Variants in CRPPA observed in about 807,000 individuals in gnomAD.
CRPPA encodes the protein CDP-L-ribitol pyrophosphorylase A.
CRPPA carries 43 observed loss-of-function variants against 52.0 expected under a neutral mutation model. That is an observed-to-expected ratio of 0.83 (90% CI 0.65 to 1.07). The LOEUF (loss-of-function observed/expected upper bound fraction) is 1.07. Among genes scored for constraint, CRPPA ranks in the 50% least tolerant of loss-of-function variants. CRPPA has a pLI of 0.00. For synonymous variants in CRPPA, 250 were observed against 203.5 expected (o/e 1.23, Z -1.94); for missense variants, 629 against 551.7 (o/e 1.14, Z -1.40).
intron 9 of CRPPA, among the ~76,000 whole-genome samples, chr7:16,155,701 T>G (rs1783165268): frequency 6.6e-6 from 1 of 152,208 alleles, no homozygotes. Flanking sequence ...ACTGTTTGTG[T>G]TATCGATAAG....
At chr7:16,416,038 C>T (rs1788183768) in intron 1 of CRPPA, among the ~76,000 whole-genome samples, 1 of 152,146 alleles carries the variant, frequency 6.6e-6, no homozygotes, top group Non-Finnish European at 1.5e-5. Context: ...AAAATTACAA[C>T]TTCTCAACCC....
intron 4 of CRPPA, among the ~76,000 whole-genome samples, chr7:16,307,347 T>C (rs1031343899): frequency 6.6e-6 from 1 of 152,124 alleles, no homozygotes; most frequent in African/African-American, 2.4e-5. Context: ...TGCAGTATGA[T>C]AGTGCCATTA....
At chr7:16,121,563 T>G (rs1470371401) in intron 9 of CRPPA, among the ~76,000 whole-genome samples, 2 of 152,076 alleles carry the variant, frequency 1.3e-5, no homozygotes, top group South Asian at 2.1e-4. Flanking sequence ...AAGGTAGAAG[T>G]AAGCGTTCTT....
chr7:16,328,242 T>C (rs2128429166), intron 3 of CRPPA, among the ~76,000 whole-genome samples: 1 of 152,238 alleles, frequency 6.6e-6, no homozygotes, highest in East Asian at 1.9e-4. Flanking sequence ...TTCAGTCTTC[T>C]GAAAAAGTCG....
chr7:16,115,356 G>A (rs932773369), intron 9 of CRPPA, among the ~76,000 whole-genome samples: 5 of 152,136 alleles, frequency 3.3e-5, no homozygotes, highest in African/African-American at 1.2e-4. Flanking sequence ...AGAAAAAGGA[G>A]AGCTAGAAAA....
intron 8 of CRPPA, among the ~76,000 whole-genome samples, chr7:16,231,806 A>C (rs1414898264): frequency 6.6e-6 from 1 of 152,214 alleles, no homozygotes; most frequent in Non-Finnish European, 1.5e-5. Context: ...AGCAAACTAT[A>C]TAAAACAATG....
intron 9 of CRPPA, among the ~76,000 whole-genome samples, chr7:16,125,726 TTTATCAA>T (rs1414617698): frequency 1.3e-5 from 2 of 152,156 alleles, no homozygotes; most frequent in Non-Finnish European, 2.9e-5. Context: ...GAGTTCAAAA[TTTATCAA>T]AAGGCCAGTA....
intron 5 of CRPPA, among the ~76,000 whole-genome samples, chr7:16,294,786 C>G (rs1342527738): frequency 1.3e-5 from 2 of 151,856 alleles, no homozygotes; most frequent in Non-Finnish European, 2.9e-5. Context: ...ATGGTGTTAT[C>G]CCTGGGTATT....
At chr7:16,143,114 C>A (rs1210732975) in intron 9 of CRPPA, among the ~76,000 whole-genome samples, 3 of 152,146 alleles carry the variant, frequency 2.0e-5, no homozygotes, top group Admixed American at 1.3e-4. Context: ...ACAGAGTAGG[C>A]AGTACCCAAA....
At chr7:16,254,763 C>A (rs62440440) in intron 8 of CRPPA, among the ~76,000 whole-genome samples, 1,883 of 115,364 alleles carry the variant, frequency 0.016, 42 homozygotes, top group African/African-American at 0.059. Context: ...GAAAGAAAGA[C>A]AGACACACAG....
At chr7:16,379,753 T>G (rs1288117974) in intron 2 of CRPPA, among the ~76,000 whole-genome samples, 3 of 152,214 alleles carry the variant, frequency 2.0e-5, no homozygotes, top group Non-Finnish European at 4.4e-5. Flanking sequence ...TTGAAGCAAT[T>G]GTGAATGGGA....
chr7:16,374,076 C>G (rs1440814584), intron 3 of CRPPA, among the ~76,000 whole-genome samples: 2 of 152,050 alleles, frequency 1.3e-5, no homozygotes, highest in African/African-American at 2.4e-5. Context: ...GCCTAAATAG[C>G]TGGTATTGTC....
At chr7:16,159,971 G>A (rs9769096) in intron 9 of CRPPA, among the ~76,000 whole-genome samples, 6 of 152,104 alleles carry the variant, frequency 3.9e-5, no homozygotes, top group African/African-American at 9.7e-5. Context: ...CTGCATAACC[G>A]TCTTCTTTTG....
chr7:16,209,750 G>C (rs992829277), intron 9 of CRPPA, among the ~76,000 whole-genome samples: 1 of 152,110 alleles, frequency 6.6e-6, no homozygotes, highest in African/African-American at 2.4e-5. Flanking sequence ...ATAAGAACAC[G>C]CTACTAAACA....
chr7:16,402,170 C>A (rs866826774), intron 2 of CRPPA, among the ~76,000 whole-genome samples: 2 of 152,196 alleles, frequency 1.3e-5, no homozygotes, highest in Non-Finnish European at 2.9e-5. Flanking sequence ...AGGAAAACAG[C>A]AAGCAAAATT....
intron 3 of CRPPA, among the ~76,000 whole-genome samples, chr7:16,375,495 C>G (rs1156592453): frequency 1.3e-5 from 2 of 152,124 alleles, no homozygotes; most frequent in East Asian, 3.9e-4. Context: ...TTACTTTTAA[C>G]TAAAATTTTG....
At chr7:16,399,585 C>G (rs542496887) in intron 2 of CRPPA, among the ~76,000 whole-genome samples, 3 of 151,752 alleles carry the variant, frequency 2.0e-5, no homozygotes, top group African/African-American at 7.3e-5. Flanking sequence ...ATGTGACAAG[C>G]GACTTACACG....
At chr7:16,164,870 C>A (rs1781016508) in intron 9 of CRPPA, among the ~76,000 whole-genome samples, 1 of 152,134 alleles carries the variant, frequency 6.6e-6, no homozygotes, top group Non-Finnish European at 1.5e-5. Context: ...CTTGCTCCTT[C>A]CTCTGGAAGC....
intron 3 of CRPPA, among the ~76,000 whole-genome samples, chr7:16,330,981 A>G (rs1785536397): frequency 6.6e-6 from 1 of 151,980 alleles, no homozygotes; most frequent in Non-Finnish European, 1.5e-5. Context: ...AAAAATTAAG[A>G]AACATGTTTT....
Sources: allele counts gnomAD v4.1 joint callset (sites outside exome capture counted in the v4.1 genomes callset), GRCh38; gene constraint gnomAD v4.1.1; transcripts MANE v1.5; gene names NCBI Gene and HGNC (gene_info 2026-07-23, HGNC 2026-07-21).